SH3RF1: variants seen among roughly 807,000 people sequenced by gnomAD.
SH3RF1 encodes the protein E3 ubiquitin-protein ligase SH3RF1.
In SH3RF1, 32 loss-of-function variants were observed where a neutral mutation model predicts 74.0. The observed-to-expected ratio is 0.43, with a 90% CI of 0.33 to 0.58. The LOEUF (loss-of-function observed/expected upper bound fraction) is 0.58. Ranked by LOEUF, SH3RF1 falls within the 20% of genes least tolerant of loss-of-function variation. The pLI is 0.05. For synonymous variants in SH3RF1, 396 were observed against 439.6 expected, an observed-to-expected ratio of 0.90 and a Z score of 1.24; for missense variants, 954 against 1,130.9, an observed-to-expected ratio of 0.84 and a Z score of 2.24.
At chr4:169,157,776 C>T (rs1434202095) in intron 2 of SH3RF1, among the ~76,000 whole-genome samples, 2 of 148,344 alleles carry the variant, frequency 1.3e-5, no homozygotes, top group Admixed American at 1.4e-4. Context: ...GAGTCTTGCT[C>T]TGTTGCCCAG....
At chr4:169,238,855 A>AGCATTT (rs1730858961) in intron 2 of SH3RF1, among the ~76,000 whole-genome samples, 1 of 152,322 alleles carries the variant, frequency 6.6e-6, no homozygotes, top group African/African-American at 2.4e-5. Context: ...CTTCAAAAGA[A>AGCATTT]GCATTTGTAG....
At chr4:169,151,456 G>A (rs1733974377) in intron 4 of SH3RF1, among the ~76,000 whole-genome samples, 2 of 152,040 alleles carry the variant, frequency 1.3e-5, no homozygotes, top group African/African-American at 4.8e-5. Flanking sequence ...ATTAGTAGTA[G>A]AGTCAAGATT....
intron 9 of SH3RF1, 131 bp from the exon 10 acceptor site, chr4:169,116,761 G>T: frequency 8.0e-7 from 1 of 1,244,820 alleles, no homozygotes; most frequent in Non-Finnish European, 1.1e-6. Flanking sequence ...ATAAAGATGG[G>T]ATGGACGGTG....
At chr4:169,123,850 C>A (rs896009899) in intron 6 of SH3RF1, among the ~76,000 whole-genome samples, 14 of 152,050 alleles carry the variant, frequency 9.2e-5, no homozygotes, top group African/African-American at 3.4e-4. Flanking sequence ...CAAGATTGCG[C>A]CACTGCACTC....
chr4:169,244,891 T>G (rs1327125586), intron 2 of SH3RF1, among the ~76,000 whole-genome samples: 1 of 152,144 alleles, frequency 6.6e-6, no homozygotes, highest in Non-Finnish European at 1.5e-5. Flanking sequence ...AGGTAAAAGT[T>G]AACAAACCAA....
At chr4:169,196,723 A>C (rs949448253) in intron 2 of SH3RF1, among the ~76,000 whole-genome samples, 1 of 152,144 alleles carries the variant, frequency 6.6e-6, no homozygotes. Flanking sequence ...TTGCTTTTCT[A>C]GTCTCCTTCA....
At chr4:169,143,359 T>C (rs1047582811) in intron 4 of SH3RF1, among the ~76,000 whole-genome samples, 1 of 152,196 alleles carries the variant, frequency 6.6e-6, no homozygotes, top group African/African-American at 2.4e-5. Context: ...TACTATGTCT[T>C]TGAAACCCGG....
intron 3 of SH3RF1, 33 bp from the exon 4 acceptor site, chr4:169,155,608 T>C: frequency 6.9e-7 from 1 of 1,456,288 alleles, no homozygotes; most frequent in Non-Finnish European, 9.6e-7. Flanking sequence ...ATCTACCTGA[T>C]CATTAAGCTG....
chr4:169,146,260 C>T (rs1329826105), intron 4 of SH3RF1, among the ~76,000 whole-genome samples: 4 of 141,630 alleles, frequency 2.8e-5, no homozygotes, highest in South Asian at 4.3e-4. Flanking sequence ...GACCAAGTCT[C>T]GCTCTGTAGC....
chr4:169,104,893 T>G (rs374852663), intron 11 of SH3RF1, among the ~76,000 whole-genome samples: 11 of 137,260 alleles, frequency 8.0e-5, no homozygotes, highest in African/African-American at 3.0e-4. Flanking sequence ...AGAGTGAGAC[T>G]CCCATCTCAA....
chr4:169,237,952 G>A (rs1730846600), intron 2 of SH3RF1, among the ~76,000 whole-genome samples: 1 of 151,876 alleles, frequency 6.6e-6, no homozygotes, highest in Admixed American at 6.6e-5. Flanking sequence ...GTAAGTCCTT[G>A]GCCTGCCTTT....
At chr4:169,099,943 T>C (rs1579081095) in intron 11 of SH3RF1, among the ~76,000 whole-genome samples, 1 of 152,176 alleles carries the variant, frequency 6.6e-6, no homozygotes, top group Non-Finnish European at 1.5e-5. Context: ...AGACTCTACT[T>C]AGAAATCTTC....
chr4:169,216,306 T>A lies in SH3RF1; in HGVS notation c.393+52514A>T, dbSNP rs569692970. ...TCGAAAAAATTGGAAATTATAATGT[T>A]TTAGAAATTATAATTGTAAATTATG... On this transcript the variant is annotated intron_variant, in intron 2 of 11. Coordinates refer to ENST00000284637, the MANE Select transcript of SH3RF1 (RefSeq NM_020870.4). 3.3e-5 allele frequency among the ~76,000 whole-genome samples: 5 copies of A among 152,288 alleles called. No individual in the cohort carries two copies. The South Asian group carries it at 6.2e-4, about 19-fold the overall frequency.
At chr4:169,184,543 T>G (rs1444960370) in intron 2 of SH3RF1, among the ~76,000 whole-genome samples, 1 of 152,114 alleles carries the variant, frequency 6.6e-6, no homozygotes, top group Admixed American at 6.5e-5. Flanking sequence ...AATTTAACAA[T>G]GTAATAGTAT....
intron 2 of SH3RF1, among the ~76,000 whole-genome samples, chr4:169,233,874 G>A (rs1454490858): frequency 2.6e-5 from 4 of 152,000 alleles, no homozygotes; most frequent in East Asian, 1.9e-4. Flanking sequence ...CTTCCCCCAC[G>A]ATTTCTCTAT....
At chr4:169,145,810 T>C (rs1733868716) in intron 4 of SH3RF1, among the ~76,000 whole-genome samples, 1 of 134,610 alleles carries the variant, frequency 7.4e-6, no homozygotes, top group Non-Finnish European at 1.6e-5. Context: ...AAAATATATA[T>C]TCTATATATT....
intron 4 of SH3RF1, among the ~76,000 whole-genome samples, chr4:169,137,431 C>T (rs992773643): frequency 1.3e-5 from 2 of 152,132 alleles, no homozygotes; most frequent in Non-Finnish European, 2.9e-5. Context: ...TAAAATAAAA[C>T]ATTTCTGGAA....
At position 169,136,481 on chromosome 4, in the gene SH3RF1, C is replaced by T. The variant is rs375658732; in HGVS notation, c.905G>A (p.Arg302Gln). Reference protein sequence around the residue: ...HSDTKKNTKKRHSFTSLTMAN... With the variant: ...HSDTKKNTKKQHSFTSLTMAN... ...CATAGTGAGGGAAGTGAAGGAGTGC[C>T]GCTTTTTGGTGTTCTTCTTGGTGTC... The change falls in exon 5 of 12, where the codon CGG (arginine) becomes CAG (glutamine). Residue 302 changes from arginine (R) to glutamine (Q), a missense_variant. Arg to Gln is a conservative substitution (Grantham distance 43). This residue lies in a region of SH3RF1 where 854 missense variants were observed against 962.5 expected (regional missense o/e 0.89). Coordinates refer to ENST00000284637, the MANE Select transcript of SH3RF1 (RefSeq NM_020870.4). 206 of 1,613,430 alleles carry T rather than the reference C, an allele frequency of 1.3e-4. No homozygotes were observed. The highest frequency in any genetic ancestry group is 1.7e-4 in the Non-Finnish European group (200 of 1,179,872).
chr4:169,229,195 G>A (rs1313141518), intron 2 of SH3RF1, among the ~76,000 whole-genome samples: 1 of 152,044 alleles, frequency 6.6e-6, no homozygotes, highest in Non-Finnish European at 1.5e-5. Context: ...GTGGAAAACT[G>A]AACTCATCTT....
Sources: allele counts gnomAD v4.1 joint callset (sites outside exome capture counted in the v4.1 genomes callset), GRCh38; gene constraint gnomAD v4.1.1; regional missense constraint gnomAD v4.1.1; transcripts MANE v1.5; gene names NCBI Gene and HGNC (gene_info 2026-07-23, HGNC 2026-07-21).